ZNF609: variants seen among roughly 807,000 people sequenced by gnomAD.
ZNF609 encodes the protein zinc finger protein 609.
A neutral mutation model predicts 109.5 loss-of-function variants in ZNF609; 11 were observed. That is an observed-to-expected ratio of 0.10 (90% confidence interval 0.06 to 0.17). The LOEUF (loss-of-function observed/expected upper bound fraction) is 0.17. Ranked by LOEUF, ZNF609 falls within the 10% of genes least tolerant of loss-of-function variation. The probability of loss-of-function intolerance (pLI) is 1.00; values close to 1 mark genes in which losing one functional copy is unlikely to be tolerated. For synonymous variants in ZNF609, 646 were observed against 662.0 expected (o/e 0.98, Z 0.37); for missense variants, 1,559 against 1,772.4 (o/e 0.88, Z 2.16).
chr15:64,659,530 T>C (rs1233966631), intron 3 of ZNF609, among the ~76,000 whole-genome samples: 1 of 152,142 alleles, frequency 6.6e-6, no homozygotes, highest in African/African-American at 2.4e-5. Context: ...GGCAGACATA[T>C]TAATGACGAG....
At chr15:64,598,763 T>C (rs1182317336) in intron 2 of ZNF609, among the ~76,000 whole-genome samples, 1 of 126,084 alleles carries the variant, frequency 7.9e-6, no homozygotes, top group Non-Finnish European at 1.8e-5. Flanking sequence ...TATATATATA[T>C]ATATATATAT....
chr15:64,471,573 A>G (rs1893091415), intron 1 of ZNF609, among the ~76,000 whole-genome samples: 1 of 152,068 alleles, frequency 6.6e-6, no homozygotes, highest in South Asian at 2.1e-4. Context: ...AAATATAAGT[A>G]GTTTGTTTTT....
At chr15:64,522,662 A>G (rs992993753) in intron 2 of ZNF609, among the ~76,000 whole-genome samples, 4 of 152,164 alleles carry the variant, frequency 2.6e-5, no homozygotes, top group African/African-American at 7.2e-5. Context: ...TTAAAGACTT[A>G]ATGTTGACCT....
At chr15:64,465,477 G>A (rs1297595924) in intron 1 of ZNF609, among the ~76,000 whole-genome samples, 1 of 152,042 alleles carries the variant, frequency 6.6e-6, no homozygotes, top group Non-Finnish European at 1.5e-5. Flanking sequence ...TGCCTCCCAG[G>A]TTCAAGCAAT....
chr15:64,487,075 T>C (rs1210290307), intron 1 of ZNF609, among the ~76,000 whole-genome samples: 2 of 152,220 alleles, frequency 1.3e-5, no homozygotes, highest in Non-Finnish European at 2.9e-5. Context: ...ACATTTTTGG[T>C]GCAACTTTTT....
intron 6 of ZNF609, among the ~76,000 whole-genome samples, chr15:64,679,813 G>A (rs574915573): frequency 9.9e-5 from 15 of 152,258 alleles, no homozygotes; most frequent in African/African-American, 3.6e-4. Flanking sequence ...TTATTTATTT[G>A]CTCAAGGTTA....
intron 1 of ZNF609, among the ~76,000 whole-genome samples, chr15:64,479,536 C>T (rs149063485): frequency 6.6e-6 from 1 of 151,810 alleles, no homozygotes; most frequent in Non-Finnish European, 1.5e-5. Flanking sequence ...TGTGATCCGC[C>T]CATCTCGACC....
rs916160523 is a variant in ZNF609, at chr15:64,522,106, G to A, written c.747+21940G>A. On this transcript the variant is annotated intron_variant, in intron 2 of 9. Coordinates refer to ENST00000326648, the MANE Select transcript of ZNF609 (RefSeq NM_015042.2). ...CTCTAATGCCCCCGGGGCAAACTCT[G>A]TACTTGGCAAGTGAGAATGCCTTGA... Among the ~76,000 whole-genome samples the A allele has an allele frequency of 3.3e-5, 5 of 152,334 alleles. No homozygotes were observed. The East Asian group carries it at 9.6e-4, about 29-fold the overall frequency.
chr15:64,603,884 AG>A (rs1181026996), intron 2 of ZNF609, among the ~76,000 whole-genome samples: 7 of 151,502 alleles, frequency 4.6e-5, no homozygotes, highest in Non-Finnish European at 1.0e-4. Flanking sequence ...CTGTAATCCC[AG>A]CTACTCGGGA....
At chr15:64,506,716 G>A (rs1393618742) in intron 2 of ZNF609, among the ~76,000 whole-genome samples, 1 of 72,926 alleles carries the variant, frequency 1.4e-5, no homozygotes, top group Non-Finnish European at 3.3e-5. Flanking sequence ...GCAAAACTCT[G>A]TCTCAAGAAA....
chr15:64,460,727 G>T lies in ZNF609; in HGVS notation c.-239G>T, dbSNP rs1323418287. The T allele has an allele frequency of 6.5e-6, 1 of 154,272 alleles. No homozygotes were observed. Among genetic ancestry groups the T allele is most frequent in the South Asian group, 1.8e-4 (1 of 5,590 alleles). The allele number at this position is 154,272 out of a possible 1,614,324, so 9.6% of individuals were successfully genotyped here. A position where few individuals can be genotyped will look rare whatever the true frequency, so the allele number is the denominator to read the frequency against. ...GCCGGAGCCGGAGCCGGGGTGGGGT[G>T]GGGGGGAGGGGCCGCGGGAACGGAT... On this transcript the variant is annotated 5_prime_UTR_variant, in exon 1 of 10. Coordinates refer to ENST00000326648, the MANE Select transcript of ZNF609 (RefSeq NM_015042.2).
intron 2 of ZNF609, among the ~76,000 whole-genome samples, chr15:64,527,807 A>G (rs116199118): frequency 0.013 from 1,914 of 152,224 alleles, 48 homozygotes; most frequent in African/African-American, 0.044. Flanking sequence ...TTAAGAGACT[A>G]TCTCCTGCTT....
intron 2 of ZNF609, among the ~76,000 whole-genome samples, chr15:64,609,118 TTCTTTC>T (rs1895669215): frequency 3.7e-5 from 1 of 27,374 alleles, no homozygotes; most frequent in African/African-American, 6.3e-5. Flanking sequence ...CTTTCTTTCT[TTCTTTC>T]TTTCTTTTTT....
At chr15:64,645,717 G>A (rs182141042) in intron 3 of ZNF609, among the ~76,000 whole-genome samples, 4 of 152,134 alleles carry the variant, frequency 2.6e-5, no homozygotes, top group Admixed American at 2.0e-4. Context: ...AAAAATGCGC[G>A]TAAGACTTGA....
rs996730663 is a variant in ZNF609 at position 64,600,567 on chromosome 15, C to G, written c.748-22260C>G. ...ACAAGAATCACTTAAACCCGGGAGGCAGAGTTTGCAGTGAGCCAAGATTGT... is the reference window on the plus strand; with the variant it reads ...ACAAGAATCACTTAAACCCGGGAGGGAGAGTTTGCAGTGAGCCAAGATTGT... On this transcript the variant is annotated intron_variant, in intron 2 of 9. Transcript: ENST00000326648. Among the ~76,000 whole-genome samples the G allele has an allele frequency of 4.0e-5, 6 of 149,110 alleles. No homozygotes were observed. The East Asian group carries it at 9.8e-4, about 24-fold the overall frequency.
At chr15:64,632,689 T>C (rs1277022114) in intron 3 of ZNF609, among the ~76,000 whole-genome samples, 5 of 152,076 alleles carry the variant, frequency 3.3e-5, no homozygotes, top group Admixed American at 2.6e-4. Context: ...CAGGCTAGTC[T>C]GGAACTCCTG....
chr15:64,480,480 G>A (rs949865101), intron 1 of ZNF609, among the ~76,000 whole-genome samples: 4 of 151,110 alleles, frequency 2.6e-5, no homozygotes, highest in African/African-American at 9.7e-5. Context: ...GCAGTGAGCC[G>A]AGATTCCACC....
At chr15:64,622,453 T>C (rs1895891265) in intron 2 of ZNF609, among the ~76,000 whole-genome samples, 1 of 152,234 alleles carries the variant, frequency 6.6e-6, no homozygotes, top group South Asian at 2.1e-4. Flanking sequence ...CTTGTCTTTC[T>C]CATCAGTCTG....
intron 1 of ZNF609, among the ~76,000 whole-genome samples, chr15:64,499,037 G>GCTA (rs2140349972): frequency 6.6e-6 from 1 of 152,250 alleles, no homozygotes; most frequent in South Asian, 2.1e-4. Flanking sequence ...TAACTCTAGA[G>GCTA]GACTCCTAGT....
Sources: allele counts gnomAD v4.1 joint callset (sites outside exome capture counted in the v4.1 genomes callset), GRCh38; gene constraint gnomAD v4.1.1; transcripts MANE v1.5; gene names NCBI Gene and HGNC (gene_info 2026-07-23, HGNC 2026-07-21).